RALB: variants seen among roughly 807,000 people sequenced by gnomAD.
The protein encoded by RALB is ras-related protein Ral-B.
In RALB, 16 loss-of-function variants were observed where a neutral mutation model predicts 21.3. The ratio of observed to expected loss-of-function variants is 0.75; its 90% CI spans 0.51 to 1.14. RALB has a LOEUF of 1.14. Among genes scored for constraint, RALB ranks in the 50% most tolerant of loss-of-function variants. The pLI is 0.00. For synonymous variants in RALB, 93 were observed against 96.1 expected (o/e 0.97, Z 0.19); for missense variants, 161 against 256.2 (o/e 0.63, Z 2.54).
chr2:120,292,918 T>A (rs1319748370), intron 4 of RALB, among the ~76,000 whole-genome samples: 1 of 152,278 alleles, frequency 6.6e-6, no homozygotes, highest in African/African-American at 2.4e-5. Flanking sequence ...TTTTTTAAGG[T>A]TAATTTTTCT....
chr2:120,276,952 G>A (rs967727297), intron 1 of RALB, among the ~76,000 whole-genome samples: 1 of 152,182 alleles, frequency 6.6e-6, no homozygotes, highest in African/African-American at 2.4e-5. Context: ...TTGTGTTTTG[G>A]TATATGTGAA....
upstream of RALB, among the ~76,000 whole-genome samples, chr2:120,251,372 C>A (rs951192996): frequency 2.0e-5 from 3 of 152,212 alleles, no homozygotes; most frequent in Non-Finnish European, 4.4e-5. Context: ...CTAATGTAAG[C>A]TCACATTCCT....
chr2:120,255,249 C>T (rs1272268494), intron 1 of RALB, among the ~76,000 whole-genome samples: 1 of 151,736 alleles, frequency 6.6e-6, no homozygotes, highest in Non-Finnish European at 1.5e-5. Context: ...TCTAGACATG[C>T]AAGACGCTTG....
chr2:120,263,361 G>A (rs559851859), intron 1 of RALB, among the ~76,000 whole-genome samples: 5 of 152,030 alleles, frequency 3.3e-5, no homozygotes, highest in African/African-American at 9.6e-5. Context: ...GTTTTGCCAC[G>A]TTGCCCAGGC....
chr2:120,286,589 G>A (rs912062550), intron 3 of RALB, among the ~76,000 whole-genome samples: 1 of 152,190 alleles, frequency 6.6e-6, no homozygotes, highest in East Asian at 1.9e-4. Context: ...AGAGTCAGGA[G>A]ACCTGGTTTG....
intron 1 of RALB, among the ~76,000 whole-genome samples, chr2:120,277,788 C>T (rs1340092329): frequency 6.8e-6 from 1 of 147,916 alleles, no homozygotes; most frequent in African/African-American, 2.5e-5. Flanking sequence ...CATGTGTGAG[C>T]CTGTGATAGT....
At chr2:120,272,582 G>A (rs1213206491) in intron 1 of RALB, among the ~76,000 whole-genome samples, 1 of 152,098 alleles carries the variant, frequency 6.6e-6, no homozygotes, top group African/African-American at 2.4e-5. Flanking sequence ...AAACTTTTTG[G>A]GATAAAATGT....
At chr2:120,282,102 G>A (rs775159077) in intron 2 of RALB, among the ~76,000 whole-genome samples, 1 of 152,150 alleles carries the variant, frequency 6.6e-6, no homozygotes, top group African/African-American at 2.4e-5. Context: ...AGGCAGAGCC[G>A]TGGCAGATCC....
chr2:120,261,520 C>T (rs1030574956), intron 1 of RALB, among the ~76,000 whole-genome samples: 1 of 152,020 alleles, frequency 6.6e-6, no homozygotes, highest in South Asian at 2.1e-4. Context: ...AGAGTCACAG[C>T]GAGATTACTA....
intron 1 of RALB, among the ~76,000 whole-genome samples, chr2:120,246,927 A>T (rs563617668): frequency 2.6e-5 from 4 of 152,360 alleles, no homozygotes; most frequent in African/African-American, 9.6e-5. Context: ...GGGTCCTGTC[A>T]TGCCCTTGGA....
upstream of RALB, chr2:120,252,830 C>G (rs1157651744): frequency 2.0e-6 from 2 of 985,516 alleles, no homozygotes; most frequent in African/African-American, 1.7e-5. Context: ...TAGGCGACGC[C>G]GGAGGCGCGC....
At chr2:120,273,987 C>T (rs1172599521) in intron 1 of RALB, among the ~76,000 whole-genome samples, 2 of 152,190 alleles carry the variant, frequency 1.3e-5, no homozygotes, top group Admixed American at 6.5e-5. Context: ...TTTATTATTT[C>T]TTCTAGAGAA....
rs557461207 is a variant in RALB at position 120,294,253 on chromosome 2, C to G, written c.*993C>G. ...GAAATCATGAAGCCAGAGCCTGTGCCAGACCTTCTGCTACCTCTCATAGAA... is the reference window on the plus strand; with the variant it reads ...GAAATCATGAAGCCAGAGCCTGTGCGAGACCTTCTGCTACCTCTCATAGAA... On this transcript the variant is annotated 3_prime_UTR_variant, in exon 5 of 5. Coordinates refer to ENST00000272519, the MANE Select transcript of RALB (RefSeq NM_002881.3). The G allele has an allele frequency of 3.3e-5, 13 of 398,626 alleles. No homozygotes were observed. Among genetic ancestry groups the G allele is most frequent in the Admixed American group, 1.8e-4 (4 of 22,738 alleles). 24.7% of individuals were successfully genotyped at this position (398,626 alleles called of 1,614,324 possible). A position where few individuals can be genotyped will look rare whatever the true frequency, so the allele number is the denominator to read the frequency against.
At chr2:120,267,872 A>G (rs1034227610) in intron 1 of RALB, among the ~76,000 whole-genome samples, 13 of 152,104 alleles carry the variant, frequency 8.5e-5, no homozygotes, top group African/African-American at 2.9e-4. Context: ...GGTCACTGCA[A>G]CTTCTGCCTC....
intron 2 of RALB, among the ~76,000 whole-genome samples, chr2:120,284,154 T>G (rs1690063831): frequency 6.6e-6 from 1 of 152,056 alleles, no homozygotes; most frequent in South Asian, 2.1e-4. Flanking sequence ...ACAGGCAAGT[T>G]TTCACATCTC....
intron 1 of RALB, among the ~76,000 whole-genome samples, chr2:120,241,735 C>CA (rs975540416): frequency 2.7e-5 from 4 of 149,844 alleles, no homozygotes; most frequent in Non-Finnish European, 5.9e-5. Context: ...TCAAAAAAAA[C>CA]AAAAAAACAA....
chr2:120,256,372 T>C (rs1689199354), intron 1 of RALB, among the ~76,000 whole-genome samples: 1 of 152,112 alleles, frequency 6.6e-6, no homozygotes, highest in African/African-American at 2.4e-5. Flanking sequence ...AGTATATTCG[T>C]GGCTGATATG....
At chr2:120,293,107 A>G (rs1463622445) in intron 4 of RALB, 34 bp from the exon 5 acceptor site, 7 of 1,555,222 alleles carry the variant, frequency 4.5e-6, no homozygotes, top group Non-Finnish European at 6.1e-6. Context: ...CTCTTTCTTC[A>G]CTATTCTTTT....
intron 1 of RALB, among the ~76,000 whole-genome samples, chr2:120,276,901 A>C (rs2104629336): frequency 6.6e-6 from 1 of 152,308 alleles, no homozygotes; most frequent in South Asian, 2.1e-4. Flanking sequence ...TGGCAGAACC[A>C]CACTCATGCC....
Sources: gnomAD v4.1 joint callset for allele counts (sites outside exome capture counted in the v4.1 genomes callset) on GRCh38, gnomAD v4.1.1 for gene constraint, MANE v1.5 for transcripts, NCBI Gene and HGNC (gene_info 2026-07-23, HGNC 2026-07-21) for gene names.